Variants in DNAI7 observed in about 807,000 individuals in gnomAD.
The protein encoded by DNAI7 is dynein axonemal intermediate chain 7, also known as cancer susceptibility 1.
In DNAI7, 78 loss-of-function variants were observed where a neutral mutation model predicts 86.6. The ratio of observed to expected loss-of-function variants is 0.90; its 90% CI spans 0.75 to 1.09. The LOEUF is 1.09. Ranked by LOEUF, DNAI7 falls within the 50% of genes least tolerant of loss-of-function variation. DNAI7 has a pLI of 0.00. For synonymous variants in DNAI7, 274 were observed against 273.0 expected, an observed-to-expected ratio of 1.00 and a Z score of -0.04; for missense variants, 753 against 810.2, an observed-to-expected ratio of 0.93 and a Z score of 0.86.
chr12:25,194,803 A>T, intron 1 of DNAI7: 1 of 1,428,800 alleles, frequency 7.0e-7, no homozygotes, highest in Non-Finnish European at 9.6e-7. Flanking sequence ...ACCAATTTTC[A>T]AGCTTAGCAA....
At chr12:25,126,159 C>T (rs1942106740) in intron 9 of DNAI7, among the ~76,000 whole-genome samples, 2 of 152,102 alleles carry the variant, frequency 1.3e-5, no homozygotes, top group African/African-American at 4.8e-5. Context: ...TGAAGCAAAA[C>T]AGGATTCCAA....
chr12:25,175,028 T>A (rs150440060), intron 2 of DNAI7, among the ~76,000 whole-genome samples: 1 of 151,968 alleles, frequency 6.6e-6, no homozygotes, highest in African/African-American at 2.4e-5. Flanking sequence ...GCTCGGGTGA[T>A]GGGTGAACCA....
rs138407911 is a variant in DNAI7 at position 25,186,485 on chromosome 12, T to C, written c.21+4129A>G. Among the ~76,000 whole-genome samples, 85 of 152,274 alleles carry C rather than the reference T, an allele frequency of 5.6e-4. 3 individuals carry two copies. In the East Asian group the frequency reaches 0.016, roughly 29 times the overall value. On this transcript the variant is annotated intron_variant, in intron 2 of 15. Coordinates refer to ENST00000395987, the MANE Select transcript of DNAI7 (RefSeq NM_018272.5). ...AATTTGATAATAATCTCATGGGCAA[T>C]GTAACTAAACAAAAATGATCACCAC...
intron 2 of DNAI7, among the ~76,000 whole-genome samples, chr12:25,162,433 G>A (rs1946938714): frequency 6.6e-6 from 1 of 152,218 alleles, no homozygotes; most frequent in African/African-American, 2.4e-5. Context: ...AAAGGTCAGT[G>A]CTACATAAGC....
At chr12:25,191,576 T>C (rs1950523147) in intron 1 of DNAI7, among the ~76,000 whole-genome samples, 1 of 151,908 alleles carries the variant, frequency 6.6e-6, no homozygotes, top group Non-Finnish European at 1.5e-5. Flanking sequence ...TGGTGGCATG[T>C]GTCTGTAGTC....
At chr12:25,134,585 G>A (rs566287360) in intron 9 of DNAI7, among the ~76,000 whole-genome samples, 2 of 151,810 alleles carry the variant, frequency 1.3e-5, no homozygotes, top group South Asian at 2.1e-4. Flanking sequence ...TCAAACTCCT[G>A]ACCTCAGGTG....
At chr12:25,182,637 C>CACACACACACAA (rs1244349000) in intron 2 of DNAI7, among the ~76,000 whole-genome samples, 2 of 151,334 alleles carry the variant, frequency 1.3e-5, no homozygotes, top group South Asian at 2.1e-4. Flanking sequence ...CACACACACA[C>CACACACACACAA]AAGCCAGATG....
At chr12:25,171,023 T>C (rs1948076495) in intron 2 of DNAI7, among the ~76,000 whole-genome samples, 1 of 151,828 alleles carries the variant, frequency 6.6e-6, no homozygotes, top group African/African-American at 2.4e-5. Flanking sequence ...CATCAAAAAA[T>C]CTGAAAGAGC....
At chr12:25,118,839 T>A (rs567930578) in intron 12 of DNAI7, among the ~76,000 whole-genome samples, 62 of 152,246 alleles carry the variant, frequency 4.1e-4, no homozygotes, top group African/African-American at 1.4e-3. Flanking sequence ...GTGCTGGGAT[T>A]TACAGGCATG....
At chr12:25,166,572 T>G (rs1315609508) in intron 2 of DNAI7, among the ~76,000 whole-genome samples, 3 of 152,140 alleles carry the variant, frequency 2.0e-5, no homozygotes, top group Non-Finnish European at 4.4e-5. Context: ...ATCTGTTACC[T>G]ATCTCGGCAT....
chr12:25,167,918 G>A (rs1419596825), intron 2 of DNAI7, among the ~76,000 whole-genome samples: 2 of 152,082 alleles, frequency 1.3e-5, no homozygotes, highest in Non-Finnish European at 2.9e-5. Flanking sequence ...GAATTCCCCT[G>A]GGTAACCTTT....
chr12:25,142,921 C>T (rs976129726), intron 9 of DNAI7, among the ~76,000 whole-genome samples: 1 of 152,106 alleles, frequency 6.6e-6, no homozygotes, highest in Non-Finnish European at 1.5e-5. Flanking sequence ...GGAGTATAAT[C>T]CTTCCATATT....
intron 2 of DNAI7, among the ~76,000 whole-genome samples, chr12:25,189,696 A>C (rs11047885): frequency 0.18 from 27,553 of 152,040 alleles, 2,625 homozygotes; most frequent in Middle Eastern, 0.24. Flanking sequence ...TGATCTGTAA[A>C]AGGGAACAAT....
chr12:25,126,054 AG>A (rs1462829181), intron 9 of DNAI7, among the ~76,000 whole-genome samples: 1 of 152,172 alleles, frequency 6.6e-6, no homozygotes, highest in Non-Finnish European at 1.5e-5. Context: ...TGATGCTTCC[AG>A]GTTTGTTGAA....
chr12:25,193,160 AAG>A (rs1950689006), intron 1 of DNAI7, among the ~76,000 whole-genome samples: 1 of 152,016 alleles, frequency 6.6e-6, no homozygotes, highest in African/African-American at 2.4e-5. Context: ...AAAAAAAAAA[AAG>A]AAAAAAAATT....
chr12:25,116,510 A>AT (rs201202735), intron 12 of DNAI7, among the ~76,000 whole-genome samples: 4 of 78,418 alleles, frequency 5.1e-5, no homozygotes, highest in Admixed American at 1.7e-4. Flanking sequence ...CATGTGAATA[A>AT]TTTTTTTTTT....
At chr12:25,112,289 G>A (rs1195540545) in intron 13 of DNAI7, among the ~76,000 whole-genome samples, 1 of 151,760 alleles carries the variant, frequency 6.6e-6, no homozygotes, top group Non-Finnish European at 1.5e-5. Flanking sequence ...ATACTTTTAG[G>A]GATCATTCTT....
chr12:25,158,695 A>G, intron 3 of DNAI7, 132 bp from the exon 4 acceptor site: 1 of 1,493,070 alleles, frequency 6.7e-7, no homozygotes, highest in Non-Finnish European at 8.9e-7. Context: ...ATTACATGGT[A>G]GATATGAGAA....
intron 2 of DNAI7, among the ~76,000 whole-genome samples, chr12:25,174,489 C>CATATATATGGGATATATATATCAT (rs1246293021): frequency 0.057 from 801 of 14,086 alleles, 318 homozygotes; most frequent in Non-Finnish European, 0.096. Flanking sequence ...ATATATATAT[C>CATATATATGGGATATATATATCAT]ATATATCCCA....
Sources: allele counts gnomAD v4.1 joint callset (sites outside exome capture counted in the v4.1 genomes callset), GRCh38; gene constraint gnomAD v4.1.1; transcripts MANE v1.5; gene names NCBI Gene and HGNC (gene_info 2026-07-23, HGNC 2026-07-21).